GRM7: variants seen among roughly 807,000 people sequenced by gnomAD.
The protein encoded by GRM7 is metabotropic glutamate receptor 7.
Under a neutral mutation model 84.5 loss-of-function variants are expected in GRM7, and 35 were observed. That is an observed-to-expected ratio of 0.41 (90% CI 0.32 to 0.55). The LOEUF is 0.55. GRM7 is among the 20% of genes least tolerant of loss of function. The pLI is 0.19. For synonymous variants in GRM7, 487 were observed against 455.1 expected, an observed-to-expected ratio of 1.07 and a Z score of -0.89; for missense variants, 1,003 against 1,194.6, an observed-to-expected ratio of 0.84 and a Z score of 2.36.
chr3:6,870,987 G>A (rs774329291), intron 1 of GRM7, among the ~76,000 whole-genome samples: 36 of 152,158 alleles, frequency 2.4e-4, no homozygotes, highest in Non-Finnish European at 4.0e-4. Context: ...ATAATTATCC[G>A]AAAGCGTTAT....
At chr3:7,530,342 A>G (rs940706413) in intron 7 of GRM7, among the ~76,000 whole-genome samples, 16 of 152,146 alleles carry the variant, frequency 1.1e-4, no homozygotes, top group Admixed American at 9.2e-4. Flanking sequence ...CCAGTCTATC[A>G]TTAATGGACA....
At chr3:7,252,231 G>A (rs1698017924) in intron 2 of GRM7, among the ~76,000 whole-genome samples, 1 of 152,170 alleles carries the variant, frequency 6.6e-6, no homozygotes, top group Non-Finnish European at 1.5e-5. Flanking sequence ...TCATTGTGCT[G>A]TAAGGTGGTT....
intron 1 of GRM7, among the ~76,000 whole-genome samples, chr3:7,075,496 A>ACGTGTGTGTGTGTGTGTGTG (rs1491399036): frequency 2.2e-5 from 3 of 138,488 alleles, no homozygotes; most frequent in African/African-American, 8.1e-5. Context: ...TGCTTCTCAG[A>ACGTGTGTGTGTGTGTGTGTG]TGTGTGTGTG....
intron 4 of GRM7, among the ~76,000 whole-genome samples, chr3:7,322,948 G>A (rs1166997413): frequency 6.6e-6 from 1 of 152,088 alleles, no homozygotes; most frequent in Non-Finnish European, 1.5e-5. Flanking sequence ...TTCCTTAGAA[G>A]CAGAGTCGAA....
In GRM7 at chr3:7,729,213, A is replaced by G. The variant is rs530987869; in HGVS notation, c.2699-11144A>G. Reference sequence around the variant, plus strand: ...TTCACAGTCATTCACAGGAATATACAGTGCACCAAACTATTTGAATCACCC... The same window carrying G: ...TTCACAGTCATTCACAGGAATATACGGTGCACCAAACTATTTGAATCACCC... On this transcript the variant is annotated intron_variant, in intron 9 of 9. Coordinates refer to ENST00000357716, the MANE Select transcript of GRM7 (RefSeq NM_000844.4). 2.6e-5 allele frequency among the ~76,000 whole-genome samples: 4 copies of G among 152,342 alleles called. No individual in the cohort carries two copies. In the East Asian group the frequency reaches 5.8e-4, roughly 22 times the overall value.
intron 1 of GRM7, among the ~76,000 whole-genome samples, chr3:6,973,190 TTTA>T (rs576247245): frequency 1.2e-4 from 18 of 151,840 alleles, no homozygotes; most frequent in Middle Eastern, 3.4e-3. Context: ...TTATGATGGT[TTTA>T]TTATTATTAT....
intron 4 of GRM7, among the ~76,000 whole-genome samples, chr3:7,378,104 G>GT (rs1694433274): frequency 2.0e-5 from 3 of 152,230 alleles, no homozygotes; most frequent in Admixed American, 1.3e-4. Context: ...TGACTTCAAA[G>GT]CTAAGCCACT....
At chr3:7,458,796 T>C (rs2124903221) in intron 6 of GRM7, among the ~76,000 whole-genome samples, 1 of 152,246 alleles carries the variant, frequency 6.6e-6, no homozygotes, top group Non-Finnish European at 1.5e-5. Flanking sequence ...ATAGAAGCTA[T>C]AGAATTACAG....
intron 1 of GRM7, among the ~76,000 whole-genome samples, chr3:7,042,567 T>C (rs2124943129): frequency 6.6e-6 from 1 of 152,286 alleles, no homozygotes; most frequent in East Asian, 1.9e-4. Flanking sequence ...TATAGTTATA[T>C]CTTCAAATGC....
chr3:6,887,222 TTTTTA>T (rs1695731110), intron 1 of GRM7, among the ~76,000 whole-genome samples: 1 of 151,986 alleles, frequency 6.6e-6, no homozygotes, highest in Non-Finnish European at 1.5e-5. Context: ...GTTTAAAGTC[TTTTTA>T]TTTTATTTTA....
At chr3:7,126,273 A>T (rs939788898) in intron 1 of GRM7, among the ~76,000 whole-genome samples, 8 of 152,178 alleles carry the variant, frequency 5.3e-5, no homozygotes, top group Non-Finnish European at 7.3e-5. Flanking sequence ...AAAATTTGAA[A>T]TTACTTTTCT....
At chr3:7,508,425 A>G (rs1398257718) in intron 7 of GRM7, among the ~76,000 whole-genome samples, 1 of 152,176 alleles carries the variant, frequency 6.6e-6, no homozygotes, top group Admixed American at 6.6e-5. Context: ...TTTTGTCAAT[A>G]AACATTTATA....
At chr3:7,287,615 C>T (rs771564484) in intron 2 of GRM7, among the ~76,000 whole-genome samples, 1 of 152,054 alleles carries the variant, frequency 6.6e-6, no homozygotes, top group African/African-American at 2.4e-5. Context: ...TTTCTCTGGA[C>T]TTTCTGAAAA....
intron 1 of GRM7, among the ~76,000 whole-genome samples, chr3:6,973,966 G>T (rs1236406798): frequency 6.6e-6 from 1 of 152,174 alleles, no homozygotes; most frequent in East Asian, 1.9e-4. Flanking sequence ...AGGGAAAACT[G>T]AACAGAGAGA....
intron 2 of GRM7, among the ~76,000 whole-genome samples, chr3:7,221,664 T>G (rs1338148532): frequency 6.6e-6 from 1 of 151,864 alleles, no homozygotes; most frequent in Non-Finnish European, 1.5e-5. Context: ...ATATATTAAT[T>G]TTAAATCTAG....
intron 4 of GRM7, among the ~76,000 whole-genome samples, chr3:7,319,797 G>T (rs1459071793): frequency 6.6e-6 from 1 of 151,888 alleles, no homozygotes; most frequent in South Asian, 2.1e-4. Flanking sequence ...TTGATTTAAA[G>T]ACACTTATTT....
intron 4 of GRM7, among the ~76,000 whole-genome samples, chr3:7,372,819 A>G (rs7340524): frequency 0.64 from 96,596 of 151,820 alleles, 31,439 homozygotes; most frequent in African/African-American, 0.79. Context: ...TGTGTCAAGG[A>G]AGAGAAAGGG....
At chr3:7,209,217 A>G (rs1333383471) in intron 2 of GRM7, among the ~76,000 whole-genome samples, 2 of 152,212 alleles carry the variant, frequency 1.3e-5, no homozygotes, top group Non-Finnish European at 2.9e-5. Context: ...CTCAAACTAT[A>G]GTTTCTCCTG....
chr3:7,619,780 C>T (rs1337024959), intron 8 of GRM7, among the ~76,000 whole-genome samples: 2 of 152,082 alleles, frequency 1.3e-5, no homozygotes, highest in Non-Finnish European at 2.9e-5. Context: ...ACAAGGAAGG[C>T]TTATTGAAGC....
Sources: allele counts gnomAD v4.1 joint callset (sites outside exome capture counted in the v4.1 genomes callset), GRCh38; gene constraint gnomAD v4.1.1; transcripts MANE v1.5; gene names NCBI Gene and HGNC (gene_info 2026-07-23, HGNC 2026-07-21).